Variants in IL21R observed in about 807,000 individuals in gnomAD.
IL21R encodes the protein interleukin-21 receptor.
IL21R carries 14 observed loss-of-function variants against 41.3 expected under a neutral mutation model. The ratio of observed to expected loss-of-function variants is 0.34; its 90% confidence interval spans 0.22 to 0.53. The LOEUF (loss-of-function observed/expected upper bound fraction) is 0.53. Ranked by LOEUF, IL21R falls within the 20% of genes least tolerant of loss-of-function variation. The probability of loss-of-function intolerance (pLI) is 0.94; values close to 1 mark genes in which losing one functional copy is unlikely to be tolerated. For synonymous variants in IL21R, 286 were observed against 287.6 expected (o/e 0.99, Z 0.05); for missense variants, 588 against 681.6 (o/e 0.86, Z 1.53).
intron 1 of IL21R, chr16:27,403,107 A>C: frequency 1.6e-6 from 1 of 639,850 alleles, no homozygotes; most frequent in African/African-American, 1.8e-5. Context: ...CGAGAGGTAG[A>C]GTGATTTTCC....
At chr16:27,419,923 C>G (rs1429531599) in intron 1 of IL21R, among the ~76,000 whole-genome samples, 1 of 144,242 alleles carries the variant, frequency 6.9e-6, no homozygotes, top group East Asian at 2.0e-4. Context: ...GAGTCTCACT[C>G]TGTTGTCCAG....
At position 27,449,112 on chromosome 16, in the gene IL21R, G is replaced by A; in HGVS notation, c.1446G>A (p.Leu482=). 1 of 1,613,504 alleles carries A rather than the reference G, an allele frequency of 6.2e-7. No individual in the cohort carries two copies. ...GVSESEAGSP[L]AGLDMDTFDS... ...CAGAGAGTGAGGCGGGCTCACCCCT[G>A]GCCGGCCTGGATATGGACACGTTTG... Residue 482 remains leucine, a synonymous_variant, in exon 9 of 9, where the codon CTG becomes CTA. Coordinates refer to ENST00000337929, the MANE Select transcript of IL21R (RefSeq NM_181078.3).
chr16:27,442,036 T>C (rs2087396571), intron 4 of IL21R, among the ~76,000 whole-genome samples: 1 of 152,172 alleles, frequency 6.6e-6, no homozygotes, highest in Non-Finnish European at 1.5e-5. Context: ...CCTTGGAGAT[T>C]TCACATGATA....
At position 27,448,608 on chromosome 16, in the gene IL21R, G is replaced by T; in HGVS notation, c.942G>T (p.Leu314=). 1 of 1,613,082 alleles carries T rather than the reference G, an allele frequency of 6.2e-7. No individual in the cohort carries two copies. The highest frequency in any genetic ancestry group is 1.1e-5 in the South Asian group (1 of 91,080). ...GPWSPEVPST[L]EVYSCHPPRS... ...GGAGCCCAGAGGTGCCCTCCACCCT[G>T]GAGGTGTACAGCTGCCACCCACCAC... is the stretch of plus-strand genomic sequence containing the variant. The change falls in exon 9 of 9, where the codon CTG becomes CTT. Residue 314 remains leucine, a synonymous_variant. Coordinates refer to ENST00000337929, the MANE Select transcript of IL21R (RefSeq NM_181078.3).
rs2087474640 is a variant in IL21R, at chr16:27,446,156, C to T, written c.867+68C>T. On this transcript the variant is annotated intron_variant, in intron 8 of 8. Transcript: ENST00000337929. The stretch of plus-strand genomic sequence containing the variant: ...CCTCTTCAGGAGCCCCACCTCCCCT[C>T]ACCCCAGGCTCCCCAGCCTCACCCC... 3.8e-6 allele frequency: 5 copies of T among 1,325,806 alleles called. No individual in the cohort carries two copies. In the Admixed American group the frequency reaches 9.3e-5, roughly 25 times the overall value. The allele number at this position is 1,325,806 out of a possible 1,614,324, so 82.1% of individuals were successfully genotyped here.
chr16:27,434,610 T>C (rs1596586366), intron 3 of IL21R, among the ~76,000 whole-genome samples, 161 bp downstream of exon 3: 5 of 152,142 alleles, frequency 3.3e-5, no homozygotes, highest in Admixed American at 2.6e-4. Context: ...GCAGGGTTGG[T>C]CTATCCACCA....
In IL21R at chr16:27,451,620, A is replaced by C. The variant is rs1231925293; in HGVS notation, c.*2337A>C. 9.3e-6 allele frequency: 2 copies of C among 215,562 alleles called. No homozygotes were observed. The highest frequency in any genetic ancestry group is 1.9e-5 in the Non-Finnish European group (2 of 107,102). 13.4% of individuals were successfully genotyped at this position (215,562 alleles called of 1,614,324 possible). A position where few individuals can be genotyped will look rare whatever the true frequency, so the allele number is the denominator to read the frequency against. On this transcript the variant is annotated 3_prime_UTR_variant, in exon 9 of 9. Transcript: ENST00000337929. Reference sequence around the variant, plus strand: ...TATAGTCCCAGCTACTCGGGAGGCTAAGGTGGGAGGATCGCTGGAGCCCAG... The same window carrying C: ...TATAGTCCCAGCTACTCGGGAGGCTCAGGTGGGAGGATCGCTGGAGCCCAG...
intron 1 of IL21R, among the ~76,000 whole-genome samples, chr16:27,422,753 T>A (rs1011993633): frequency 6.6e-6 from 1 of 152,210 alleles, no homozygotes; most frequent in Non-Finnish European, 1.5e-5. Flanking sequence ...CTATTTTATC[T>A]TCATTGTTGA....
At chr16:27,446,467 G>A (rs1360016692) in intron 8 of IL21R, among the ~76,000 whole-genome samples, 1 of 152,002 alleles carries the variant, frequency 6.6e-6, no homozygotes, top group Non-Finnish European at 1.5e-5. Flanking sequence ...TTCAAGTGAG[G>A]TGGTGCACGC....
chr16:27,437,811 C>T lies in IL21R; in HGVS notation c.352+124C>T, dbSNP rs1293697809. On this transcript the variant is annotated intron_variant, in intron 4 of 8. Transcript: ENST00000337929. ...CCGTGTAGCTGGGACAACAGGTGTACACCACTACACCCAGCTAATTTTTGT... is the reference window on the plus strand; with the variant it reads ...CCGTGTAGCTGGGACAACAGGTGTATACCACTACACCCAGCTAATTTTTGT... 1.1e-5 allele frequency: 8 copies of T among 704,838 alleles called. No individual in the cohort carries two copies. In the East Asian group the frequency reaches 1.9e-4, roughly 17 times the overall value. 43.7% of individuals were successfully genotyped at this position (704,838 alleles called of 1,614,324 possible). A position where few individuals can be genotyped will look rare whatever the true frequency, so the allele number is the denominator to read the frequency against.
In IL21R at chr16:27,449,502, CGT is replaced by C. The variant is rs961862211; in HGVS notation, c.*229_*230del. ...TCTTAGGTGCGCAGTGGCATGTCCA[CGT>C]GTGTGTGTGATTGCACGTGCCTGTG... On this transcript the variant is annotated 3_prime_UTR_variant, in exon 9 of 9. Coordinates refer to ENST00000337929, the MANE Select transcript of IL21R (RefSeq NM_181078.3). The C allele has an allele frequency of 1.6e-5, 9 of 579,982 alleles. No individual in the cohort carries two copies. The highest frequency in any genetic ancestry group is 3.3e-5 in the Admixed American group (1 of 30,336). The allele number at this position is 579,982 out of a possible 1,614,324, so 35.9% of individuals were successfully genotyped here.
At chr16:27,442,456 C>T (rs1357206290) in intron 4 of IL21R, among the ~76,000 whole-genome samples, 6 of 152,156 alleles carry the variant, frequency 3.9e-5, no homozygotes, top group East Asian at 3.9e-4. Flanking sequence ...CTCTGCCTCC[C>T]GGGTTCACGC....
chr16:27,430,004 C>T lies in IL21R; in HGVS notation c.-16-52C>T, dbSNP rs1003965135. The T allele has an allele frequency of 1.9e-4, 278 of 1,500,082 alleles. 1 individual carries two copies. Among genetic ancestry groups the T allele is most frequent in the Admixed American group, 3.4e-4 (19 of 56,664 alleles). The allele number at this position is 1,500,082 out of a possible 1,614,324, so 92.9% of individuals were successfully genotyped here. A position where few individuals can be genotyped will look rare whatever the true frequency, so the allele number is the denominator to read the frequency against. Reference sequence around the variant, plus strand: ...GGAAGAGACAGGATGAGGGGGAGGCCGGGGGAGCCCTGAGCCCGCCTGGCT... The same window carrying T: ...GGAAGAGACAGGATGAGGGGGAGGCTGGGGGAGCCCTGAGCCCGCCTGGCT... On this transcript the variant is annotated intron_variant, in intron 1 of 8. Transcript: ENST00000337929.
Position 27,449,949 on chromosome 16 carries a change from C to G in IL21R, c.*666C>G. 1 of 233,542 alleles carries G rather than the reference C, an allele frequency of 4.3e-6. No homozygotes were observed. The highest frequency in any genetic ancestry group is 8.5e-6 in the Non-Finnish European group (1 of 118,282). The allele number at this position is 233,542 out of a possible 1,614,324, so 14.5% of individuals were successfully genotyped here. On this transcript the variant is annotated 3_prime_UTR_variant, in exon 9 of 9. Transcript: ENST00000337929. ...CTACCTGAGCCAAGTCGCCTCCCCT[C>G]TCTGGGCTAGAGTTTCCTTATCCAG... is the stretch of plus-strand genomic sequence containing the variant.
intron 1 of IL21R, among the ~76,000 whole-genome samples, chr16:27,402,889 C>T (rs1022510534): frequency 1.3e-5 from 2 of 152,148 alleles, no homozygotes; most frequent in African/African-American, 4.8e-5. Flanking sequence ...CAAAATGTAG[C>T]GGGCTGGGGA....
At chr16:27,431,415 T>C (rs2087169266) in intron 2 of IL21R, among the ~76,000 whole-genome samples, 2 of 152,090 alleles carry the variant, frequency 1.3e-5, no homozygotes, top group Admixed American at 1.3e-4. Flanking sequence ...GCCCAGTTTT[T>C]TGGCTGAGGA....
chr16:27,443,461 T>C (rs961727057), intron 5 of IL21R, among the ~76,000 whole-genome samples: 2 of 151,942 alleles, frequency 1.3e-5, no homozygotes, highest in Admixed American at 6.6e-5. Context: ...AGAATGGCCA[T>C]AGTTGGAGAG....
Position 27,446,045 on chromosome 16 carries a change from G to C in IL21R, c.824G>C (p.Arg275Pro). The C allele has an allele frequency of 6.2e-7, 1 of 1,613,658 alleles. No individual in the cohort carries two copies. Among genetic ancestry groups the C allele is most frequent in the Non-Finnish European group, 8.5e-7 (1 of 1,179,836 alleles). The change falls in exon 8 of 9, where the codon CGG (arginine) becomes CCG (proline). Residue 275 changes from arginine (R) to proline (P), a missense_variant. By Grantham distance (103) the Arg-to-Pro change is moderately radical. Transcript: ENST00000337929. ...KKIWAVPSPE[R>P]FFMPLYKGCS... ...ATATGGGCCGTCCCCAGCCCTGAGCGGTTCTTCATGCCCCTGTACAAGGGC... is the reference window on the plus strand; with the variant it reads ...ATATGGGCCGTCCCCAGCCCTGAGCCGTTCTTCATGCCCCTGTACAAGGGC...
chr16:27,414,768 A>G (rs2086873337), intron 1 of IL21R, among the ~76,000 whole-genome samples: 1 of 152,162 alleles, frequency 6.6e-6, no homozygotes, highest in Non-Finnish European at 1.5e-5. Context: ...CATACTTATT[A>G]TTATTAGGAT....
Sources: allele counts gnomAD v4.1 joint callset (sites outside exome capture counted in the v4.1 genomes callset), GRCh38; gene constraint gnomAD v4.1.1; transcripts MANE v1.5; gene names NCBI Gene and HGNC (gene_info 2026-07-23, HGNC 2026-07-21).